Variants in MLH3 observed in about 807,000 individuals in gnomAD.
MLH3 encodes mutL homolog 3, also known as DNA mismatch repair protein Mlh3.
Under a neutral mutation model 122.2 loss-of-function variants are expected in MLH3, and 82 were observed. The ratio of observed to expected loss-of-function variants is 0.67; its 90% CI spans 0.56 to 0.81. MLH3 has a LOEUF of 0.81. Ranked by LOEUF, MLH3 falls within the 30% of genes least tolerant of loss-of-function variation. MLH3 has a pLI of 0.00. For synonymous variants in MLH3, 524 were observed against 599.5 expected, an observed-to-expected ratio of 0.87 and a Z score of 1.84; for missense variants, 1,539 against 1,714.5, an observed-to-expected ratio of 0.90 and a Z score of 1.81.
chr14:75,031,532 G>A (rs1447806062), intron 8 of MLH3, among the ~76,000 whole-genome samples: 1 of 152,226 alleles, frequency 6.6e-6, no homozygotes, highest in Non-Finnish European at 1.5e-5. Flanking sequence ...GAAAGAATAG[G>A]CTGGGTCCAG....
rs376224686 is a variant in MLH3, at chr14:75,018,936, G to A, written c.4135C>T (p.Arg1379Cys). ...CATGAGGACAGAGCTTCAATAAGGC[G>A]GCAACTTTCCTGTAAGCTCAGGCCA... ...NDGLSLQESC[R>C]LIEALSSCQL... is the part of the protein sequence containing the mutation. Residue 1379 changes from arginine (R) to cysteine (C), a missense_variant, in exon 12 of 13, where the codon CGC becomes TGC. Coordinates refer to ENST00000355774, the MANE Select transcript of MLH3 (RefSeq NM_001040108.2). 183 of 1,613,986 alleles carry A rather than the reference G, an allele frequency of 1.1e-4. No homozygotes were observed. The highest frequency in any genetic ancestry group is 1.5e-4 in the Non-Finnish European group (174 of 1,180,020).
intron 5 of MLH3, 152 bp downstream of exon 5, chr14:75,039,759 A>AACACAC (rs34635307): frequency 6.4e-5 from 13 of 203,196 alleles, no homozygotes; most frequent in African/African-American, 3.3e-4. Context: ...TTCTAGTAAG[A>AACACAC]ACACACACAC....
chr14:75,023,040 G>A lies in MLH3; in HGVS notation c.3988-22C>T, dbSNP rs770006915. The A allele has an allele frequency of 4.3e-6, 7 of 1,614,012 alleles. No homozygotes were observed. In the Admixed American group the frequency reaches 5.0e-5, roughly 12 times the overall value. On this transcript the variant is annotated intron_variant, in intron 9 of 12. Coordinates refer to ENST00000355774, the MANE Select transcript of MLH3 (RefSeq NM_001040108.2). Reference sequence around the variant, plus strand: ...ATTCCTGCAAAGCAAAAGGAAAATCGGCTTTAATCTACGGTTATGTTTTAC... The same window carrying A: ...ATTCCTGCAAAGCAAAAGGAAAATCAGCTTTAATCTACGGTTATGTTTTAC...
intron 7 of MLH3, among the ~76,000 whole-genome samples, chr14:75,032,662 T>A (rs1204945356): frequency 1.3e-5 from 2 of 151,842 alleles, no homozygotes; most frequent in Non-Finnish European, 2.9e-5. Flanking sequence ...GCCGTCATTT[T>A]ATAAGGAAAA....
In MLH3 at chr14:75,041,698, T is replaced by C. The variant is rs898634762; in HGVS notation, c.3382A>G (p.Thr1128Ala). Residue 1128 changes from threonine (T) to alanine (A), a missense_variant and splice_region_variant, in exon 4 of 13, where the codon ACT (threonine) becomes GCT (alanine). By Grantham distance (58) the Thr-to-Ala change is moderately conservative. Coordinates refer to ENST00000355774, the MANE Select transcript of MLH3 (RefSeq NM_001040108.2). ...RTVMRQDNRD[T>A]VDDTVSSESL... is the part of the protein sequence containing the mutation. ...TCGCTACTAACAGTATCATCCACAG[T>C]ATCTAGGGCAAAAGGGAACAGGTAA... 1.2e-6 allele frequency: 2 copies of C among 1,612,094 alleles called. No homozygotes were observed. Among genetic ancestry groups the C allele is most frequent in the Non-Finnish European group, 1.7e-6 (2 of 1,178,274 alleles).
At position 75,041,565 on chromosome 14, in the gene MLH3, G is replaced by T. The variant is rs375745203; in HGVS notation, c.3465+50C>A. ...CTCCATCTCAAAATTTAAAAAATAAGAAGAAGAAGAAGAAAAAAAAAAGGC... is the reference window on the plus strand; with the variant it reads ...CTCCATCTCAAAATTTAAAAAATAATAAGAAGAAGAAGAAAAAAAAAAGGC... On this transcript the variant is annotated intron_variant, in intron 4 of 12. Transcript: ENST00000355774. 2.9e-4 allele frequency: 378 copies of T among 1,320,636 alleles called. No homozygotes were observed. The highest frequency in any genetic ancestry group is 1.7e-3 in the Middle Eastern group (9 of 5,304). The allele number at this position is 1,320,636 out of a possible 1,614,324, so 81.8% of individuals were successfully genotyped here.
intron 3 of MLH3, 76 bp from the exon 4 acceptor site, chr14:75,041,776 GAGCCAT>G (rs1891875537): frequency 9.7e-7 from 1 of 1,034,524 alleles, no homozygotes; most frequent in Non-Finnish European, 1.5e-6. Flanking sequence ...CCTGTTTGGT[GAGCCAT>G]AGCCTCAAGA....
chr14:75,048,905 A>G lies in MLH3; in HGVS notation c.751T>C (p.Phe251Leu). Residue 251 changes from phenylalanine to leucine, a missense_variant, in exon 2 of 13, where the codon TTT becomes CTT. By Grantham distance (22) the Phe-to-Leu change is conservative. Transcript: ENST00000355774. ...SEAHYNKNMQFLFVNKRLVLR... is the reference protein window; with the variant it reads ...SEAHYNKNMQLLFVNKRLVLR... ...ACTAGTCTTTTGTTCACAAACAAAA[A>G]CTGCATATTCTTGTTGTAATGTGCT... 6.2e-7 allele frequency: 1 copy of G among 1,613,750 alleles called. No individual in the cohort carries two copies. Among genetic ancestry groups the G allele is most frequent in the Non-Finnish European group, 8.5e-7 (1 of 1,179,840 alleles).
At position 75,047,886 on chromosome 14, in the gene MLH3, A is replaced by G; in HGVS notation, c.1770T>C (p.Cys590=). ...CATAACTAAAAACATTTCTTCTTCC[A>G]CAATTGCTAGATTCTTTTTTTTTCT... The part of the protein sequence containing the change: ...EKEKKKESSN[C]GRRNVFSYGR... The change falls in exon 2 of 13, where the codon TGT becomes TGC. Residue 590 remains cysteine, a synonymous_variant. Coordinates refer to ENST00000355774, the MANE Select transcript of MLH3 (RefSeq NM_001040108.2). 4.3e-6 allele frequency: 7 copies of G among 1,613,458 alleles called. No individual in the cohort carries two copies. Among genetic ancestry groups the G allele is most frequent in the African/African-American group, 1.3e-5 (1 of 74,990 alleles).
intron 2 of MLH3, among the ~76,000 whole-genome samples, chr14:75,043,668 G>A (rs1162302223): frequency 2.0e-5 from 3 of 152,162 alleles, no homozygotes; most frequent in Non-Finnish European, 4.4e-5. Flanking sequence ...TTAAGATAAT[G>A]AAGTGAAATA....
intron 5 of MLH3, among the ~76,000 whole-genome samples, chr14:75,039,395 C>T (rs1039599537): frequency 1.3e-5 from 2 of 152,092 alleles, no homozygotes; most frequent in African/African-American, 4.8e-5. Context: ...AATAAGACAG[C>T]CATGGTGGTA....
intron 1 of MLH3, 134 bp from the exon 2 acceptor site, chr14:75,049,852 T>G (rs996831661): frequency 6.2e-5 from 40 of 646,324 alleles, no homozygotes; most frequent in Admixed American, 1.5e-4. Flanking sequence ...AACAAAGTTA[T>G]ACCGCTGATC....
chr14:75,026,246 G>A (rs1890622068), intron 9 of MLH3, among the ~76,000 whole-genome samples: 1 of 152,076 alleles, frequency 6.6e-6, no homozygotes, highest in Admixed American at 6.6e-5. Flanking sequence ...GAAAGCTACT[G>A]ATAAAGGAGA....
At position 75,049,476 on chromosome 14, in the gene MLH3, C is replaced by T. The variant is rs771857411; in HGVS notation, c.180G>A (p.Gly60=). The T allele has an allele frequency of 1.9e-6, 3 of 1,614,200 alleles. No homozygotes were observed. The highest frequency in any genetic ancestry group is 1.7e-5 in the Admixed American group (1 of 60,028). The change falls in exon 2 of 13, where the codon GGG becomes GGA. Residue 60 remains glycine (G), a synonymous_variant. Coordinates refer to ENST00000355774, the MANE Select transcript of MLH3 (RefSeq NM_001040108.2). ...CTTTCTCTACATCATCACTCCCCAT[C>T]CCAAATCCATTGTCTATCACTTGAA... ...FQVQVIDNGF[G]MGSDDVEKVG...
At chr14:75,042,577 C>A in intron 2 of MLH3, 100 bp from the exon 3 acceptor site, 1 of 865,814 alleles carries the variant, frequency 1.2e-6, no homozygotes, top group Non-Finnish European at 1.9e-6. Context: ...CAAACTGAGT[C>A]AAGACATAAA....
At chr14:75,045,938 G>A (rs1386726426) in intron 2 of MLH3, among the ~76,000 whole-genome samples, 1 of 152,078 alleles carries the variant, frequency 6.6e-6, no homozygotes, top group Non-Finnish European at 1.5e-5. Flanking sequence ...CAACACTCTG[G>A]GAGGCCGAGG....
At chr14:75,033,288 CTTTAG>C in intron 7 of MLH3, 126 bp downstream of exon 7, 2 of 754,334 alleles carry the variant, frequency 2.7e-6, no homozygotes, top group Non-Finnish European at 4.7e-6. Context: ...AACTGCAGGA[CTTTAG>C]TTTAATTTTT....
At position 75,032,164 on chromosome 14, in the gene MLH3, T is replaced by G. The variant is rs374637363; in HGVS notation, c.3731A>C (p.Gln1244Pro). The change falls in exon 8 of 13, where the codon CAA (glutamine) becomes CCA (proline). Residue 1244 changes from glutamine (Q) to proline (P), a missense_variant. Coordinates refer to ENST00000355774, the MANE Select transcript of MLH3 (RefSeq NM_001040108.2). ...TTTCCGACCAGAGCCTTGTGCCTGT[T>G]GCTTCTCGTAGGAATCTATTGGCAG... The part of the protein sequence containing the change: ...EQLIIDSYEK[Q>P]QAQGSGRKKL... 8.1e-6 allele frequency: 13 copies of G among 1,610,970 alleles called. No homozygotes were observed. In the African/African-American group the frequency reaches 1.2e-4, roughly 15 times the overall value.
chr14:75,038,212 T>C (rs1891552460), intron 6 of MLH3, 128 bp downstream of exon 6: 1 of 733,560 alleles, frequency 1.4e-6, no homozygotes, highest in Non-Finnish European at 2.4e-6. Flanking sequence ...ATAATATTCT[T>C]AGTTTTAGAT....
Sources: gnomAD v4.1 joint callset for allele counts (sites outside exome capture counted in the v4.1 genomes callset) on GRCh38, gnomAD v4.1.1 for gene constraint, MANE v1.5 for transcripts, NCBI Gene and HGNC (gene_info 2026-07-23, HGNC 2026-07-21) for gene names.